The following PRKCG variants were observed in gnomAD, a reference collection of about 807,000 sequenced individuals.
PRKCG encodes the protein protein kinase C gamma, also known as protein kinase C gamma type.
A neutral mutation model predicts 82.0 loss-of-function variants in PRKCG; 28 were observed. That is an observed-to-expected ratio of 0.34 (90% CI 0.25 to 0.47). PRKCG has a LOEUF of 0.47. Among genes scored for constraint, PRKCG ranks in the 20% least tolerant of loss-of-function variants. The pLI, the probability that PRKCG is intolerant of heterozygous loss-of-function variation, is 1.00. For missense variants in PRKCG, 640 were observed against 952.7 expected (o/e 0.67, Z 4.32); for synonymous variants, 383 against 376.6 (o/e 1.02, Z -0.20).
At chr19:53,882,182 C>T (rs570816059), upstream of PRKCG, 28 of 393,702 alleles carry the variant, frequency 7.1e-5, no homozygotes, top group African/African-American at 4.8e-4. This position sits in a 1 kb window ranked among gnomAD's most constrained non-coding sequence, Gnocchi z 6.1. Context: ...ACGCCTCCCC[C>T]AACCCGGGGC....
Position 53,906,902 on chromosome 19 carries a change from C to T in PRKCG, c.*7C>T. 1.9e-6 allele frequency: 3 copies of T among 1,613,326 alleles called. No homozygotes were observed. The highest frequency in any genetic ancestry group is 2.5e-6 in the Non-Finnish European group (3 of 1,179,884). Reference sequence around the variant, plus strand: ...GCCTGTGCCCGTCATGTAATCTCACCCGCCGCCACTAGGTGTCCCCAACGT... The same window carrying T: ...GCCTGTGCCCGTCATGTAATCTCACTCGCCGCCACTAGGTGTCCCCAACGT... On this transcript the variant is annotated 3_prime_UTR_variant, in exon 18 of 18. Transcript: ENST00000263431.
Position 53,884,383 on chromosome 19 carries a change from A to G in PRKCG, c.285+140A>G. Reference sequence around the variant, plus strand: ...AGAGATAGGGGGAGCTATCTGGCCCAGATTCCTTGCCCTTGGCCTGGAAAG... The same window carrying G: ...AGAGATAGGGGGAGCTATCTGGCCCGGATTCCTTGCCCTTGGCCTGGAAAG... On this transcript the variant is annotated intron_variant, in intron 3 of 17. Coordinates refer to ENST00000263431, the MANE Select transcript of PRKCG (RefSeq NM_002739.5). This position sits in a 1 kb window ranked among gnomAD's most constrained non-coding sequence, Gnocchi z 4.6. The G allele has an allele frequency of 1.2e-6, 1 of 856,322 alleles. No individual in the cohort carries two copies. Among genetic ancestry groups the G allele is most frequent in the East Asian group, 2.6e-5 (1 of 38,602 alleles). 53.0% of individuals were successfully genotyped at this position (856,322 alleles called of 1,614,324 possible).
At position 53,906,996 on chromosome 19, in the gene PRKCG, C is replaced by T; in HGVS notation, c.*101C>T. On this transcript the variant is annotated 3_prime_UTR_variant, in exon 18 of 18. Coordinates refer to ENST00000263431, the MANE Select transcript of PRKCG (RefSeq NM_002739.5). ...CACCACCCCCTGTCCCATTCTAGAT[C>T]CTGCACCCCAGCATTCCAGCTCTGC... is the stretch of plus-strand genomic sequence containing the variant. The T allele has an allele frequency of 1.3e-6, 2 of 1,570,206 alleles. No homozygotes were observed. Among genetic ancestry groups the T allele is most frequent in the Non-Finnish European group, 1.7e-6 (2 of 1,160,698 alleles).
chr19:53,891,265 A>G (rs185028697), intron 5 of PRKCG, among the ~76,000 whole-genome samples: 1 of 149,316 alleles, frequency 6.7e-6, no homozygotes, highest in South Asian at 2.1e-4. Flanking sequence ...AACGAGACTG[A>G]GAGCTTGGAA....
Position 53,907,048 on chromosome 19 carries a change from A to C in PRKCG, c.*153A>C. On this transcript the variant is annotated 3_prime_UTR_variant, in exon 18 of 18. Coordinates refer to ENST00000263431, the MANE Select transcript of PRKCG (RefSeq NM_002739.5). ...CCCGCGGGTTCTAGACGCCCCTCCCAAGCGTTCCTGGCCTTCTGAACTCCA... is the reference window on the plus strand; with the variant it reads ...CCCGCGGGTTCTAGACGCCCCTCCCCAGCGTTCCTGGCCTTCTGAACTCCA... The C allele has an allele frequency of 6.7e-7, 1 of 1,495,866 alleles. No homozygotes were observed. Among genetic ancestry groups the C allele is most frequent in the Non-Finnish European group, 8.9e-7 (1 of 1,125,046 alleles). The allele number at this position is 1,495,866 out of a possible 1,614,324, so 92.7% of individuals were successfully genotyped here. A position where few individuals can be genotyped will look rare whatever the true frequency, so the allele number is the denominator to read the frequency against.
intron 15 of PRKCG, among the ~76,000 whole-genome samples, chr19:53,904,170 CA>C (rs1408587772): frequency 6.6e-6 from 1 of 151,798 alleles, no homozygotes; most frequent in East Asian, 1.9e-4. Flanking sequence ...CCGAAGTGGG[CA>C]GATCACTTGA....
Position 53,889,519 on chromosome 19 carries a change from A to G in PRKCG, c.286-119A>G, listed in dbSNP as rs2068655352. 1 of 750,188 alleles carries G rather than the reference A, an allele frequency of 1.3e-6. No homozygotes were observed. Among genetic ancestry groups the G allele is most frequent in the Non-Finnish European group, 2.4e-6 (1 of 422,608 alleles). The allele number at this position is 750,188 out of a possible 1,614,324, so 46.5% of individuals were successfully genotyped here. On this transcript the variant is annotated intron_variant, in intron 3 of 17. Transcript: ENST00000263431. This position sits in a 1 kb window ranked among gnomAD's most constrained non-coding sequence, Gnocchi z 4.4. The stretch of plus-strand genomic sequence containing the variant: ...CAATGATTATTGGTACATAGAGTGA[A>G]AGAGATGGAGCCTCAGGCTGACCTA...
Position 53,882,584 on chromosome 19 carries a change from C to G in PRKCG, c.90C>G (p.Val30=). Residue 30 remains valine, a synonymous_variant, in exon 1 of 18, where the codon GTC becomes GTG. Transcript: ENST00000263431. This position sits in a 1 kb window ranked among gnomAD's most constrained non-coding sequence, Gnocchi z 6.1. ...AGGGGGCCCTGAGGCAGAAGGTGGT[C>G]CACGAAGTCAAGAGCCACAAGTTCA... ...CRKGALRQKV[V]HEVKSHKFTA... The G allele has an allele frequency of 6.2e-7, 1 of 1,614,080 alleles. No homozygotes were observed. Among genetic ancestry groups the G allele is most frequent in the Non-Finnish European group, 8.5e-7 (1 of 1,180,000 alleles).
chr19:53,890,162 C>T, intron 5 of PRKCG, 145 bp downstream of exon 5: 1 of 920,370 alleles, frequency 1.1e-6, no homozygotes, highest in Non-Finnish European at 1.6e-6. Flanking sequence ...TGACCCCACC[C>T]CAAAGGCCGA....
rs2145889728 is a variant in PRKCG at position 53,906,722 on chromosome 19, G to A, written c.1921G>A (p.Glu641Lys). 6.2e-7 allele frequency: 1 copy of A among 1,612,910 alleles called. No individual in the cohort carries two copies. Among genetic ancestry groups the A allele is most frequent in the Non-Finnish European group, 8.5e-7 (1 of 1,180,004 alleles). ...FRPRPCGRSG[E>K]NFDKFFTRAA... Reference sequence around the variant, plus strand: ...TCTCCCACAGTGTGGCCGCAGCGGCGAGAACTTTGACAAGTTCTTCACGCG... The same window carrying A: ...TCTCCCACAGTGTGGCCGCAGCGGCAAGAACTTTGACAAGTTCTTCACGCG... Residue 641 changes from glutamate (E) to lysine (K), a missense_variant, in exon 18 of 18, where the codon GAG becomes AAG. By Grantham distance (56) the Glu-to-Lys change is moderately conservative. Coordinates refer to ENST00000263431, the MANE Select transcript of PRKCG (RefSeq NM_002739.5).
In PRKCG at chr19:53,883,181, C is replaced by T; in HGVS notation, c.189C>T (p.Gly63=). 1 of 1,613,908 alleles carries T rather than the reference C, an allele frequency of 6.2e-7. No homozygotes were observed. The highest frequency in any genetic ancestry group is 8.5e-7 in the Non-Finnish European group (1 of 1,179,966). The change falls in exon 2 of 18, where the codon GGC becomes GGT. Residue 63 remains glycine, a synonymous_variant. Transcript: ENST00000263431. The surrounding 1 kb of genome is among the most constrained non-coding windows in gnomAD (Gnocchi z 5.4). The part of the protein sequence containing the change: ...TDFIWGIGKQ[G]LQCQVCSFVV... ...CTTCCAGGGGTATCGGAAAGCAGGG[C>T]CTGCAATGTCAAGGTAAGAGCTGGG...
At chr19:53,881,280 A>T (rs1489358281), upstream of PRKCG, among the ~76,000 whole-genome samples, 1 of 152,164 alleles carries the variant, frequency 6.6e-6, no homozygotes, top group Non-Finnish European at 1.5e-5. Context: ...AGGCATTTAT[A>T]AAGACGGGTG....
chr19:53,886,767 T>G (rs2068634506), intron 3 of PRKCG, among the ~76,000 whole-genome samples: 1 of 152,196 alleles, frequency 6.6e-6, no homozygotes, highest in African/African-American at 2.4e-5. Flanking sequence ...ATTTGGTTAT[T>G]TTTCCCTGTC....
chr19:53,899,220 T>A (rs910135637), intron 11 of PRKCG, among the ~76,000 whole-genome samples: 1 of 147,688 alleles, frequency 6.8e-6, no homozygotes, highest in Non-Finnish European at 1.5e-5. Flanking sequence ...CGTGAAGCGG[T>A]TGAGTTCCTT....
chr19:53,892,286 G>T lies in PRKCG; in HGVS notation c.687-223G>T, dbSNP rs2068682093. On this transcript the variant is annotated intron_variant, in intron 6 of 17. Coordinates refer to ENST00000263431, the MANE Select transcript of PRKCG (RefSeq NM_002739.5). This position sits in a 1 kb window ranked among gnomAD's most constrained non-coding sequence, Gnocchi z 5.9. ...AGAGACAGAGATGGGAAGGGGCGGA[G>T]AATGCAGGAGGAAGGGAGAGGAAGA... Among the ~76,000 whole-genome samples, 1 of 152,168 alleles carries T rather than the reference G, an allele frequency of 6.6e-6. No individual in the cohort carries two copies.
In PRKCG at chr19:53,883,443, T is replaced by A. The variant is rs1413972553; in HGVS notation, c.202+249T>A. Among the ~76,000 whole-genome samples the A allele has an allele frequency of 7.1e-6, 1 of 141,760 alleles. No individual in the cohort carries two copies. Among genetic ancestry groups the A allele is most frequent in the Non-Finnish European group, 1.5e-5 (1 of 65,972 alleles). 93.0% of individuals were successfully genotyped at this position (141,760 alleles called of 152,430 possible). ...GGGGACAGATATTTGGAGAATCTGT[T>A]GCCATGGGAACATGGAGATTTGGAA... On this transcript the variant is annotated intron_variant, in intron 2 of 17. Transcript: ENST00000263431. The surrounding 1 kb of genome is among the most constrained non-coding windows in gnomAD (Gnocchi z 5.4).
intron 3 of PRKCG, among the ~76,000 whole-genome samples, chr19:53,885,020 C>T (rs1267160753): frequency 6.6e-6 from 1 of 152,136 alleles, no homozygotes. Context: ...TGCTTTATCT[C>T]TGAGCCTCAG....
At chr19:53,891,915 G>A in intron 6 of PRKCG, 85 bp downstream of exon 6, 1 of 1,573,708 alleles carries the variant, frequency 6.4e-7, no homozygotes, top group Non-Finnish European at 8.7e-7. Context: ...CAGCTGATGG[G>A]AGGGGTTAGG....
At position 53,891,755 on chromosome 19, in the gene PRKCG, C is replaced by T. The variant is rs1057247994; in HGVS notation, c.611C>T (p.Pro204Leu). 6.2e-7 allele frequency: 1 copy of T among 1,614,164 alleles called. No homozygotes were observed. Among genetic ancestry groups the T allele is most frequent in the African/African-American group, 1.3e-5 (1 of 75,038 alleles). ...GTGAAACTGAAGCTCATCCCAGACC[C>T]TCGGAACCTGACGAAACAGAAGACC... The part of the protein sequence containing the change: ...PYVKLKLIPD[P>L]RNLTKQKTRT... Residue 204 changes from proline (P) to leucine (L), a missense_variant, in exon 6 of 18, where the codon CCT (proline) becomes CTT (leucine). Physicochemically the swap from Pro to Leu is moderately conservative, Grantham distance 98. This residue lies in a region of PRKCG where 261 missense variants were observed against 312.1 expected (regional missense o/e 0.84). Transcript: ENST00000263431.
Sources: gnomAD v4.1 joint callset for allele counts (sites outside exome capture counted in the v4.1 genomes callset) on GRCh38, gnomAD v4.1.1 for gene constraint, gnomAD v4.1.1 regional missense constraint, Gnocchi (gnomAD v3.1) non-coding constraint, MANE v1.5 for transcripts, NCBI Gene and HGNC (gene_info 2026-07-23, HGNC 2026-07-21) for gene names.